RABGAP1L: variants seen among roughly 807,000 people sequenced by gnomAD.
RABGAP1L encodes the protein RAB GTPase activating protein 1 like, also known as rab GTPase-activating protein 1-like.
RABGAP1L carries 63 observed loss-of-function variants against 137.7 expected under a neutral mutation model. That is an observed-to-expected ratio of 0.46 (90% CI 0.37 to 0.56). The LOEUF is 0.56. RABGAP1L is among the 20% of genes least tolerant of loss of function. The pLI, the probability that RABGAP1L is intolerant of heterozygous loss-of-function variation, is 0.00. For missense variants in RABGAP1L, 1,095 were observed against 1,244.0 expected (o/e 0.88, Z 1.80); for synonymous variants, 431 against 433.7 (o/e 0.99, Z 0.08).
intron 1 of RABGAP1L, 122 bp from the exon 2 acceptor site, chr1:174,219,003 T>G (rs1669549530): frequency 2.7e-6 from 2 of 742,764 alleles, no homozygotes; most frequent in Non-Finnish European, 4.2e-6. Flanking sequence ...TTGAGATAAT[T>G]ATCTAGCCAG....
At chr1:174,610,146 C>G (rs921583622) in intron 13 of RABGAP1L, among the ~76,000 whole-genome samples, 1 of 150,196 alleles carries the variant, frequency 6.7e-6, no homozygotes, top group Non-Finnish European at 1.5e-5. Context: ...TGCTGGTGTG[C>G]TGCACCCATT....
At position 174,767,195 on chromosome 1, in the gene RABGAP1L, C is replaced by T. The variant is rs565131607; in HGVS notation, c.2211+14841C>T. Among the ~76,000 whole-genome samples, 186 of 152,296 alleles carry T rather than the reference C, an allele frequency of 1.2e-3. 1 individual carries two copies. Among genetic ancestry groups the T allele is most frequent in the Non-Finnish European group, 1.0e-3 (69 of 68,028 alleles). ...TCCGACCACCTTGGGCACATGTTTT[C>T]ATGATCTGAGGGCTGTGTCATGGGC... On this transcript the variant is annotated intron_variant, in intron 18 of 25. Coordinates refer to ENST00000681986, the MANE Select transcript of RABGAP1L (RefSeq NM_001366446.1).
At chr1:174,885,605 C>T (rs561663377) in intron 19 of RABGAP1L, among the ~76,000 whole-genome samples, 3 of 152,046 alleles carry the variant, frequency 2.0e-5, no homozygotes, top group Non-Finnish European at 2.9e-5. Context: ...ATCCTCCCCC[C>T]TCGGCCTCCC....
At chr1:174,414,754 A>G (rs1243649019) in intron 13 of RABGAP1L, among the ~76,000 whole-genome samples, 1 of 152,138 alleles carries the variant, frequency 6.6e-6, no homozygotes, top group Non-Finnish European at 1.5e-5. Context: ...TTTAATGAGT[A>G]GATCCTGGGG....
intron 13 of RABGAP1L, among the ~76,000 whole-genome samples, chr1:174,578,800 A>C (rs1195150226): frequency 6.7e-6 from 1 of 150,318 alleles, no homozygotes; most frequent in Non-Finnish European, 1.5e-5. Context: ...TCTATGTTAT[A>C]TTATTACTTT....
intron 1 of RABGAP1L, among the ~76,000 whole-genome samples, chr1:174,205,762 C>T (rs1668466169): frequency 6.6e-6 from 1 of 152,034 alleles, no homozygotes; most frequent in African/African-American, 2.4e-5. Flanking sequence ...TTTCTTGTCT[C>T]TATTTACTTC....
At chr1:174,520,156 ATGTTT>A (rs919623141) in intron 13 of RABGAP1L, among the ~76,000 whole-genome samples, 1 of 152,240 alleles carries the variant, frequency 6.6e-6, no homozygotes, top group African/African-American at 2.4e-5. Flanking sequence ...CTTATCAAGA[ATGTTT>A]TCATTTATTA....
At chr1:174,832,819 A>G (rs982022066) in intron 19 of RABGAP1L, among the ~76,000 whole-genome samples, 1 of 152,116 alleles carries the variant, frequency 6.6e-6, no homozygotes, top group Admixed American at 6.5e-5. Flanking sequence ...GCTGTTTGCC[A>G]TTTTTGTTTG....
chr1:174,816,110 A>G (rs989221949), intron 19 of RABGAP1L, among the ~76,000 whole-genome samples: 40 of 143,800 alleles, frequency 2.8e-4, no homozygotes, highest in Middle Eastern at 3.7e-3. Flanking sequence ...GTATGAACAT[A>G]TGAGCATTTT....
intron 17 of RABGAP1L, among the ~76,000 whole-genome samples, chr1:174,751,078 GT>G (rs1161124943): frequency 6.6e-6 from 1 of 151,988 alleles, no homozygotes. Flanking sequence ...GTGTTCATTT[GT>G]TTTTATCTCC....
chr1:174,208,168 A>G (rs1022945205), intron 1 of RABGAP1L, among the ~76,000 whole-genome samples: 2 of 152,044 alleles, frequency 1.3e-5, no homozygotes, highest in African/African-American at 4.8e-5. Context: ...CTAACTTTCA[A>G]ATTCCTATTG....
At chr1:174,793,095 G>A (rs1687981198) in intron 18 of RABGAP1L, among the ~76,000 whole-genome samples, 1 of 151,804 alleles carries the variant, frequency 6.6e-6, no homozygotes, top group African/African-American at 2.4e-5. Flanking sequence ...TTATGCCACT[G>A]CACTCCAGCC....
At chr1:174,812,123 T>C (rs1190930865) in intron 19 of RABGAP1L, among the ~76,000 whole-genome samples, 163 bp downstream of exon 19, 7 of 152,210 alleles carry the variant, frequency 4.6e-5, no homozygotes, top group African/African-American at 1.7e-4. Flanking sequence ...CTAATGTGTG[T>C]ATAGTAGCTG....
intron 11 of RABGAP1L, among the ~76,000 whole-genome samples, chr1:174,338,021 G>T (rs978914689): frequency 7.2e-5 from 11 of 152,140 alleles, no homozygotes; most frequent in African/African-American, 2.7e-4. Flanking sequence ...CAAATGTGTG[G>T]CTTAGATCCT....
At chr1:174,801,361 G>C (rs1048876772) in intron 18 of RABGAP1L, among the ~76,000 whole-genome samples, 1 of 152,154 alleles carries the variant, frequency 6.6e-6, no homozygotes, top group Non-Finnish European at 1.5e-5. Flanking sequence ...TTTCAGTACA[G>C]TATTTACATG....
In RABGAP1L at chr1:174,990,327, ATTT is replaced by A. The variant is rs1301562542; in HGVS notation, c.*329_*331del. ...TTTTTATTTAGAATTATTCATAATT[ATTT>A]TTATCTTACATAAAAATGGAGACAT... On this transcript the variant is annotated 3_prime_UTR_variant, in exon 26 of 26. Transcript: ENST00000681986. 1 of 189,442 alleles carries A rather than the reference ATTT, an allele frequency of 5.3e-6. No homozygotes were observed. The highest frequency in any genetic ancestry group is 1.1e-5 in the Non-Finnish European group (1 of 93,544). The allele number at this position is 189,442 out of a possible 1,614,324, so 11.7% of individuals were successfully genotyped here.
intron 19 of RABGAP1L, among the ~76,000 whole-genome samples, chr1:174,854,989 C>T (rs970922760): frequency 2.6e-5 from 4 of 151,980 alleles, no homozygotes; most frequent in East Asian, 1.9e-4. Flanking sequence ...CCACCCGCCT[C>T]GGCTTCCCAA....
intron 12 of RABGAP1L, among the ~76,000 whole-genome samples, chr1:174,372,033 G>A (rs1035610259): frequency 6.6e-6 from 1 of 152,048 alleles, no homozygotes; most frequent in South Asian, 2.1e-4. Context: ...TTGTTTTTAA[G>A]GAGATAAACC....
intron 10 of RABGAP1L, among the ~76,000 whole-genome samples, chr1:174,289,727 G>A (rs1676403505): frequency 6.6e-6 from 1 of 152,160 alleles, no homozygotes; most frequent in African/African-American, 2.4e-5. Context: ...CTGATCTGGT[G>A]GGGCTGCTGC....
Sources: allele counts gnomAD v4.1 joint callset (sites outside exome capture counted in the v4.1 genomes callset), GRCh38; gene constraint gnomAD v4.1.1; transcripts MANE v1.5; gene names NCBI Gene and HGNC (gene_info 2026-07-23, HGNC 2026-07-21).